Variants in KCNJ6 observed in about 807,000 individuals in gnomAD.
KCNJ6 encodes the protein G protein-activated inward rectifier potassium channel 2.
Under a neutral mutation model 34.2 loss-of-function variants are expected in KCNJ6, and 9 were observed. That is an observed-to-expected ratio of 0.26 (90% CI 0.16 to 0.46). KCNJ6 has a LOEUF of 0.46. Among genes scored for constraint, KCNJ6 ranks in the 20% least tolerant of loss-of-function variants. KCNJ6 has a pLI of 1.00. For synonymous variants in KCNJ6, 196 were observed against 207.1 expected, an observed-to-expected ratio of 0.95 and a Z score of 0.46; for missense variants, 236 against 531.3, an observed-to-expected ratio of 0.44 and a Z score of 5.46.
At chr21:37,910,069 G>A (rs1001251897) in intron 1 of KCNJ6, among the ~76,000 whole-genome samples, 1 of 152,214 alleles carries the variant, frequency 6.6e-6, no homozygotes, top group Non-Finnish European at 1.5e-5. Context: ...CTGGGATAGA[G>A]TGTTCCAGAC....
intron 2 of KCNJ6, among the ~76,000 whole-genome samples, chr21:37,737,239 G>A (rs2054917858): frequency 1.3e-5 from 2 of 152,108 alleles, no homozygotes; most frequent in South Asian, 4.2e-4. Flanking sequence ...TCTCATTAGG[G>A]GTCAGAGTGG....
chr21:37,903,449 G>A (rs1000017007), intron 1 of KCNJ6, among the ~76,000 whole-genome samples: 7 of 152,170 alleles, frequency 4.6e-5, no homozygotes, highest in Admixed American at 1.3e-4. Flanking sequence ...AAATCACCCA[G>A]TCTCAGGTAT....
intron 1 of KCNJ6, among the ~76,000 whole-genome samples, chr21:37,899,282 GCA>G (rs1182409157): frequency 2.0e-5 from 3 of 152,150 alleles, no homozygotes; most frequent in African/African-American, 7.2e-5. Flanking sequence ...TGATATTCTT[GCA>G]CATGTGAAAC....
intron 2 of KCNJ6, among the ~76,000 whole-genome samples, chr21:37,799,720 T>C (rs1174233657): frequency 6.6e-6 from 1 of 152,204 alleles, no homozygotes; most frequent in African/African-American, 2.4e-5. Flanking sequence ...AGAATGTCTG[T>C]TACATTTCTT....
intron 3 of KCNJ6, among the ~76,000 whole-genome samples, chr21:37,636,607 G>A (rs2054359175): frequency 6.6e-6 from 1 of 152,174 alleles, no homozygotes; most frequent in African/African-American, 2.4e-5. Context: ...GGGAGTGCGT[G>A]TTACGGGTGG....
At chr21:37,788,191 C>T (rs1007976161) in intron 2 of KCNJ6, among the ~76,000 whole-genome samples, 1 of 152,122 alleles carries the variant, frequency 6.6e-6, no homozygotes, top group African/African-American at 2.4e-5. Context: ...TACTTTTAGA[C>T]AAATTATATT....
intron 3 of KCNJ6, among the ~76,000 whole-genome samples, chr21:37,668,685 G>A (rs2123405792): frequency 6.6e-6 from 1 of 152,312 alleles, no homozygotes; most frequent in African/African-American, 2.4e-5. Context: ...CGTGCTGGTT[G>A]GAGGAAGCTG....
At chr21:37,860,746 G>T (rs531461360) in intron 1 of KCNJ6, among the ~76,000 whole-genome samples, 2 of 152,200 alleles carry the variant, frequency 1.3e-5, no homozygotes, top group South Asian at 4.2e-4. Context: ...TATCATCCAG[G>T]TCATGGTTAC....
intron 3 of KCNJ6, among the ~76,000 whole-genome samples, chr21:37,701,664 G>C (rs1293065566): frequency 1.3e-5 from 2 of 152,158 alleles, no homozygotes; most frequent in Non-Finnish European, 2.9e-5. Flanking sequence ...AGCTGGCCAT[G>C]AGTGCCACAC....
intron 1 of KCNJ6, among the ~76,000 whole-genome samples, chr21:37,849,620 G>A (rs1241135525): frequency 2.0e-5 from 3 of 152,024 alleles, no homozygotes; most frequent in Non-Finnish European, 4.4e-5. Flanking sequence ...ACCTCTCCAG[G>A]CCCATTGCTC....
intron 2 of KCNJ6, among the ~76,000 whole-genome samples, chr21:37,775,446 A>G (rs1292944975): frequency 6.6e-6 from 1 of 152,164 alleles, no homozygotes; most frequent in Non-Finnish European, 1.5e-5. Flanking sequence ...CCTGAATGGT[A>G]TTGCCTAGGT....
At chr21:37,832,892 A>G (rs1200778582) in intron 2 of KCNJ6, among the ~76,000 whole-genome samples, 2 of 152,168 alleles carry the variant, frequency 1.3e-5, no homozygotes, top group Non-Finnish European at 2.9e-5. Flanking sequence ...TCAGACAGGT[A>G]GGCTGTCGTT....
At chr21:37,909,906 G>A (rs1041450072) in intron 1 of KCNJ6, among the ~76,000 whole-genome samples, 2 of 152,184 alleles carry the variant, frequency 1.3e-5, no homozygotes, top group Non-Finnish European at 2.9e-5. Flanking sequence ...CTTCACTGTG[G>A]GAGAAATATA....
At chr21:37,626,828 G>A (rs899775036) in intron 3 of KCNJ6, among the ~76,000 whole-genome samples, 4 of 152,304 alleles carry the variant, frequency 2.6e-5, no homozygotes, top group Admixed American at 2.0e-4. Context: ...TAAACTTTTA[G>A]ATGGAATGGT....
At chr21:37,852,480 G>C (rs2055542628) in intron 1 of KCNJ6, among the ~76,000 whole-genome samples, 1 of 152,196 alleles carries the variant, frequency 6.6e-6, no homozygotes, top group South Asian at 2.1e-4. Flanking sequence ...TGGAGACCCA[G>C]TAGGGATCCT....
At chr21:37,865,663 G>A (rs751947784) in intron 1 of KCNJ6, among the ~76,000 whole-genome samples, 5 of 152,226 alleles carry the variant, frequency 3.3e-5, no homozygotes, top group Non-Finnish European at 1.5e-5. Flanking sequence ...GAGGCACTAC[G>A]TGCTCTTGCT....
chr21:37,703,845 A>C (rs535466355), intron 3 of KCNJ6, among the ~76,000 whole-genome samples: 2 of 152,302 alleles, frequency 1.3e-5, no homozygotes, highest in African/African-American at 4.8e-5. Context: ...GGGAACTCAA[A>C]GTACCCACAC....
chr21:37,881,475 GA>G (rs2055707953), intron 1 of KCNJ6, among the ~76,000 whole-genome samples: 3 of 148,702 alleles, frequency 2.0e-5, no homozygotes, highest in Non-Finnish European at 4.5e-5. Flanking sequence ...TGCATGGAGA[GA>G]GAGAGAGAGA....
At chr21:37,765,412 G>C (rs1341114265) in intron 2 of KCNJ6, among the ~76,000 whole-genome samples, 2 of 152,188 alleles carry the variant, frequency 1.3e-5, no homozygotes. Flanking sequence ...GCAGTATCTG[G>C]AGGCGCCTTT....
Sources: gnomAD v4.1 joint callset for allele counts (sites outside exome capture counted in the v4.1 genomes callset) on GRCh38, gnomAD v4.1.1 for gene constraint, MANE v1.5 for transcripts, NCBI Gene and HGNC (gene_info 2026-07-23, HGNC 2026-07-21) for gene names.